The following SETD5 variants were observed in gnomAD, a reference collection of about 807,000 sequenced individuals.
SETD5 encodes histone-lysine N-methyltransferase SETD5.
Under a neutral mutation model 153.3 loss-of-function variants are expected in SETD5, and 44 were observed. The ratio of observed to expected loss-of-function variants is 0.29; its 90% CI spans 0.23 to 0.37. The LOEUF is 0.37. Among genes scored for constraint, SETD5 ranks in the 10% least tolerant of loss-of-function variants. The pLI is 1.00. For missense variants in SETD5, 1,544 were observed against 1,768.0 expected, an observed-to-expected ratio of 0.87 and a Z score of 2.27; for synonymous variants, 716 against 645.2, an observed-to-expected ratio of 1.11 and a Z score of -1.66.
rs969624121 is a variant in SETD5, at chr3:9,468,405, C to T, written c.2725-2054C>T. On this transcript the variant is annotated intron_variant, in intron 18 of 22. Coordinates refer to ENST00000402198, the MANE Select transcript of SETD5 (RefSeq NM_001080517.3). ...CCCCTATGCATTCTTATTCAACTTC[C>T]CCGCCCCCGAAAAAAGTTATGGCTA... is the stretch of plus-strand genomic sequence containing the variant. The T allele has an allele frequency of 7.2e-5, 54 of 753,076 alleles. No individual in the cohort carries two copies. The African/African-American group carries it at 9.5e-4, about 13-fold the overall frequency. The allele number at this position is 753,076 out of a possible 1,614,324, so 46.6% of individuals were successfully genotyped here.
chr3:9,438,642 T>C (rs2040887767), intron 7 of SETD5, among the ~76,000 whole-genome samples: 1 of 152,210 alleles, frequency 6.6e-6, no homozygotes, highest in East Asian at 1.9e-4. Flanking sequence ...CCATAAGAAT[T>C]AGAAAAAATT....
intron 16 of SETD5, among the ~76,000 whole-genome samples, chr3:9,452,657 A>T (rs2042754330): frequency 9.8e-6 from 1 of 101,864 alleles, no homozygotes; most frequent in African/African-American, 4.4e-5. Context: ...GTATGATGTA[A>T]GATTTTTTTT....
At chr3:9,428,222 A>G (rs936619487) in intron 2 of SETD5, among the ~76,000 whole-genome samples, 2 of 152,216 alleles carry the variant, frequency 1.3e-5, no homozygotes, top group Non-Finnish European at 2.9e-5. Flanking sequence ...TGCTAAGATG[A>G]TTGCATCTTC....
chr3:9,435,662 A>G (rs1225915283), intron 6 of SETD5, 66 bp from the exon 7 acceptor site: 18 of 1,405,366 alleles, frequency 1.3e-5, no homozygotes, highest in Non-Finnish European at 1.6e-5. Context: ...CACCTAAAAG[A>G]ATAAGCTACT....
intron 18 of SETD5, chr3:9,468,538 G>C: frequency 7.7e-7 from 1 of 1,304,260 alleles, no homozygotes; most frequent in Non-Finnish European, 1.0e-6. Flanking sequence ...TCCCCTGAGA[G>C]TTCCCCTGCG....
intron 1 of SETD5, among the ~76,000 whole-genome samples, chr3:9,410,877 C>CTTTTTTTTTTTT (rs34787440): frequency 6.8e-6 from 1 of 146,118 alleles, no homozygotes. Context: ...TAAAAATTCT[C>CTTTTTTTTTTTT]TTTTTTTTTT....
Position 9,477,531 on chromosome 3 carries a change from T to C in SETD5, c.*1440T>C, listed in dbSNP as rs2045915992. ...TCCCTCCTTCCTTCCCTCTAATTTG[T>C]TTTCCTTTTTTCCCCAGCCTCTTGC... On this transcript the variant is annotated 3_prime_UTR_variant, in exon 23 of 23. Transcript: ENST00000402198. 6.6e-6 allele frequency: 1 copy of C among 152,558 alleles called. No homozygotes were observed. Among genetic ancestry groups the C allele is most frequent in the African/African-American group, 2.4e-5 (1 of 41,366 alleles). The allele number at this position is 152,558 out of a possible 1,614,324, so 9.5% of individuals were successfully genotyped here.
chr3:9,471,499 A>G (rs1283026433), intron 19 of SETD5, among the ~76,000 whole-genome samples: 1 of 152,228 alleles, frequency 6.6e-6, no homozygotes, highest in Admixed American at 6.5e-5. Context: ...ACAGGTAATT[A>G]GGTGGCACTC....
intron 13 of SETD5, among the ~76,000 whole-genome samples, chr3:9,445,968 T>TG (rs1366286148): frequency 6.9e-6 from 1 of 144,500 alleles, no homozygotes; most frequent in Admixed American, 6.9e-5. Context: ...AGAGGTTGTT[T>TG]TTTTTTTTTT....
In SETD5 at chr3:9,472,644, A is replaced by G. The variant is rs369116678; in HGVS notation, c.3196-592A>G. Among the ~76,000 whole-genome samples, 53 of 152,238 alleles carry G rather than the reference A, an allele frequency of 3.5e-4. 1 individual carries two copies. The South Asian group carries it at 9.8e-3, about 28-fold the overall frequency. On this transcript the variant is annotated intron_variant, in intron 19 of 22. Transcript: ENST00000402198. ...CTTGAAAATTTGAACATATTTAAGT[A>G]TCCTGGAGCATTGGGTTTTTCTTCT...
At chr3:9,474,736 C>T (rs150479613) in intron 21 of SETD5, 154 bp downstream of exon 21, 4 of 1,048,284 alleles carry the variant, frequency 3.8e-6, no homozygotes, top group Non-Finnish European at 5.5e-6. Context: ...CTCATTTGGG[C>T]TACCACATTT....
In SETD5 at chr3:9,447,671, C is replaced by T; in HGVS notation, c.1783-15C>T. On this transcript the variant is annotated splice_polypyrimidine_tract_variant and intron_variant, in intron 14 of 22. Coordinates refer to ENST00000402198, the MANE Select transcript of SETD5 (RefSeq NM_001080517.3). ...AAACATTTCTGGTAAGCATCTGACC[C>T]TACTATTGCTACAGGATATTGCTGC... 6.2e-7 allele frequency: 1 copy of T among 1,610,756 alleles called. No homozygotes were observed. The highest frequency in any genetic ancestry group is 8.5e-7 in the Non-Finnish European group (1 of 1,177,596).
At chr3:9,424,731 G>GA (rs1403283305) in intron 2 of SETD5, among the ~76,000 whole-genome samples, 2 of 152,008 alleles carry the variant, frequency 1.3e-5, no homozygotes, top group African/African-American at 4.8e-5. Flanking sequence ...ATTCTGGTAG[G>GA]AAAAAACAAA....
chr3:9,457,847 T>C (rs2043453032), intron 17 of SETD5, among the ~76,000 whole-genome samples: 1 of 151,328 alleles, frequency 6.6e-6, no homozygotes, highest in African/African-American at 2.4e-5. Flanking sequence ...TCTTTCTCTC[T>C]GTCTTTATAT....
chr3:9,442,059 A>G (rs2041357256), intron 9 of SETD5, 69 bp from the exon 10 acceptor site: 1 of 1,029,058 alleles, frequency 9.7e-7, no homozygotes, highest in East Asian at 2.5e-5. Flanking sequence ...CATATGCTTC[A>G]TATTTGGAGT....
chr3:9,410,149 C>G (rs1347195085), intron 1 of SETD5, among the ~76,000 whole-genome samples: 2 of 152,084 alleles, frequency 1.3e-5, no homozygotes, highest in African/African-American at 4.8e-5. Flanking sequence ...ATGGTATAGC[C>G]CATTGCTCTT....
chr3:9,405,130 G>A (rs1463636411), intron 1 of SETD5, among the ~76,000 whole-genome samples: 3 of 152,142 alleles, frequency 2.0e-5, no homozygotes, highest in African/African-American at 7.2e-5. Flanking sequence ...TGTAACTTCT[G>A]TATCTTCTAC....
intron 1 of SETD5, among the ~76,000 whole-genome samples, chr3:9,407,980 A>G (rs147247116): frequency 1.6e-4 from 23 of 139,708 alleles, no homozygotes; most frequent in African/African-American, 5.7e-4. Context: ...AGCCTGGGCA[A>G]CAAGAGCAAA....
At chr3:9,441,790 A>G in intron 9 of SETD5, 49 bp downstream of exon 9, 4 of 1,610,042 alleles carry the variant, frequency 2.5e-6, no homozygotes, top group Non-Finnish European at 3.4e-6. Flanking sequence ...GACCTGGTTG[A>G]CCAGTGTTGT....
Sources: gnomAD v4.1 joint callset for allele counts (sites outside exome capture counted in the v4.1 genomes callset) on GRCh38, gnomAD v4.1.1 for gene constraint, MANE v1.5 for transcripts, NCBI Gene and HGNC (gene_info 2026-07-23, HGNC 2026-07-21) for gene names.